The following TBC1D12 variants were observed in gnomAD, a reference collection of about 807,000 sequenced individuals.
TBC1D12 encodes the protein TBC1 domain family member 12.
In TBC1D12, 56 loss-of-function variants were observed where a neutral mutation model predicts 86.7. That is an observed-to-expected ratio of 0.65 (90% confidence interval 0.52 to 0.81). The LOEUF (loss-of-function observed/expected upper bound fraction) is 0.81, where lower values mean the gene tolerates loss of function less well. Among genes scored for constraint, TBC1D12 ranks in the 30% least tolerant of loss-of-function variants. TBC1D12 has a pLI of 0.00. For missense variants in TBC1D12, 1,023 were observed against 1,038.8 expected (o/e 0.98, Z 0.21); for synonymous variants, 421 against 411.7 (o/e 1.02, Z -0.27).
intron 1 of TBC1D12, among the ~76,000 whole-genome samples, 198 bp downstream of exon 1, chr10:94,403,782 TAGG>T (rs1161838994): frequency 1.1e-4 from 16 of 152,128 alleles, no homozygotes; most frequent in Non-Finnish European, 1.8e-4. Flanking sequence ...TGTGTTTCTA[TAGG>T]AGAAGTTGTG....
intron 3 of TBC1D12, among the ~76,000 whole-genome samples, chr10:94,475,141 C>A (rs114294161): frequency 6.6e-6 from 1 of 152,106 alleles, no homozygotes; most frequent in African/African-American, 2.4e-5. Flanking sequence ...AGTTAATATA[C>A]GAAACATAAT....
chr10:94,422,974 C>T (rs80073335), intron 1 of TBC1D12, among the ~76,000 whole-genome samples: 1,859 of 152,278 alleles, frequency 0.012, 56 homozygotes, highest in African/African-American at 0.043. Flanking sequence ...GTGGCTCAAG[C>T]CTGTAGCCCC....
intron 3 of TBC1D12, among the ~76,000 whole-genome samples, chr10:94,483,363 A>G (rs1255336546): frequency 6.6e-6 from 1 of 152,108 alleles, no homozygotes; most frequent in Non-Finnish European, 1.5e-5. Flanking sequence ...GGTTGTACTA[A>G]TTTCCATTAC....
At chr10:94,514,074 A>G (rs948647805) in intron 9 of TBC1D12, among the ~76,000 whole-genome samples, 6 of 150,902 alleles carry the variant, frequency 4.0e-5, no homozygotes, top group South Asian at 4.2e-4. Context: ...CAGGCCAGGC[A>G]TGGTGGCTCA....
chr10:94,428,814 A>G (rs2055179132), intron 1 of TBC1D12, among the ~76,000 whole-genome samples: 2 of 151,242 alleles, frequency 1.3e-5, no homozygotes, highest in Middle Eastern at 3.5e-3. Context: ...GGCTTACGTG[A>G]TCCTCCCGCT....
In TBC1D12 at chr10:94,403,594, A is replaced by C. The variant is rs1435610721; in HGVS notation, c.971+10A>C. On this transcript the variant is annotated intron_variant, in intron 1 of 12. Transcript: ENST00000225235. ...CGGACTTCTTCACCAGGTACAGCGC[A>C]GGCTGCATGGGACTCGGGGCGGGTC... 1 of 1,449,436 alleles carries C rather than the reference A, an allele frequency of 6.9e-7. No homozygotes were observed. The highest frequency in any genetic ancestry group is 1.5e-5 in the African/African-American group (1 of 66,046). 89.8% of individuals were successfully genotyped at this position (1,449,436 alleles called of 1,614,324 possible). A position where few individuals can be genotyped will look rare whatever the true frequency, so the allele number is the denominator to read the frequency against.
At chr10:94,441,465 A>G (rs2055379815) in intron 1 of TBC1D12, among the ~76,000 whole-genome samples, 1 of 152,084 alleles carries the variant, frequency 6.6e-6, no homozygotes, top group South Asian at 2.1e-4. Flanking sequence ...TATACTTTGT[A>G]GCTGATTTAG....
chr10:94,505,036 A>G (rs1200679028), intron 6 of TBC1D12, among the ~76,000 whole-genome samples: 1 of 152,144 alleles, frequency 6.6e-6, no homozygotes, highest in Non-Finnish European at 1.5e-5. Context: ...TTTTGAAATC[A>G]TTACCACATT....
intron 1 of TBC1D12, among the ~76,000 whole-genome samples, chr10:94,438,115 T>C (rs2055331280): frequency 6.6e-6 from 1 of 150,998 alleles, no homozygotes; most frequent in Admixed American, 6.6e-5. Flanking sequence ...GGCCATACTT[T>C]CCCGTTTCTT....
chr10:94,439,486 G>T (rs1415485815), intron 1 of TBC1D12, among the ~76,000 whole-genome samples: 1 of 152,084 alleles, frequency 6.6e-6, no homozygotes, highest in Non-Finnish European at 1.5e-5. Context: ...TTTTTTTGTT[G>T]AGCAGGCTGC....
chr10:94,449,816 T>C (rs1413844261), intron 2 of TBC1D12, among the ~76,000 whole-genome samples: 1 of 152,214 alleles, frequency 6.6e-6, no homozygotes, highest in African/African-American at 2.4e-5. Context: ...TGTTCTTTCT[T>C]CTTGTCAGTC....
intron 11 of TBC1D12, among the ~76,000 whole-genome samples, chr10:94,523,192 C>CAAAAAAAAAAA (rs33935088): frequency 4.5e-5 from 2 of 44,110 alleles, no homozygotes; most frequent in Non-Finnish European, 8.0e-5. Context: ...AACTCTATCT[C>CAAAAAAAAAAA]AAAAAAAAAA....
rs555876746 is a variant in TBC1D12, at chr10:94,476,605, G to A, written c.1211+1822G>A. Among the ~76,000 whole-genome samples the A allele has an allele frequency of 4.2e-4, 64 of 152,256 alleles. 1 individual carries two copies. The highest frequency in any genetic ancestry group is 1.5e-3 in the African/African-American group (61 of 41,560). ...GACTTTGCAGCTGTCAGCTGAGTAC[G>A]TAGATAAGTTCCCAGAAGAGCTTGC... On this transcript the variant is annotated intron_variant, in intron 3 of 12. Coordinates refer to ENST00000225235, the MANE Select transcript of TBC1D12 (RefSeq NM_015188.2).
chr10:94,529,315 C>T lies in TBC1D12; in HGVS notation c.2001-1887C>T, dbSNP rs1842369176. 2.0e-5 allele frequency among the ~76,000 whole-genome samples: 3 copies of T among 152,094 alleles called. No individual in the cohort carries two copies. In the South Asian group the frequency reaches 6.2e-4, roughly 32 times the overall value. ...AGCCACCAGACCCGACTGATTTAGG[C>T]TTTTTTAAAAATTAAGTTATTGGCT... On this transcript the variant is annotated intron_variant, in intron 11 of 12. Coordinates refer to ENST00000225235, the MANE Select transcript of TBC1D12 (RefSeq NM_015188.2).
At chr10:94,502,789 A>G (rs2056415076) in intron 6 of TBC1D12, among the ~76,000 whole-genome samples, 1 of 152,352 alleles carries the variant, frequency 6.6e-6, no homozygotes, top group East Asian at 1.9e-4. Flanking sequence ...AAGGACTTTA[A>G]TACTAGAAAT....
Position 94,403,351 on chromosome 10 carries a change from C to T in TBC1D12, c.738C>T (p.Gly246=), listed in dbSNP as rs765675338. Residue 246 remains glycine (G), a synonymous_variant, in exon 1 of 13, where the codon GGC becomes GGT. Coordinates refer to ENST00000225235, the MANE Select transcript of TBC1D12 (RefSeq NM_015188.2). ...RGVGAGGPEE[G]APPATSAERT... ...TCGGCGCCGGGGGTCCCGAGGAGGGCGCGCCCCCTGCCACCTCGGCCGAGA... is the reference window on the plus strand; with the variant it reads ...TCGGCGCCGGGGGTCCCGAGGAGGGTGCGCCCCCTGCCACCTCGGCCGAGA... The T allele has an allele frequency of 6.6e-6, 10 of 1,523,946 alleles. No homozygotes were observed. The East Asian group carries it at 1.9e-4, about 29-fold the overall frequency. The allele number at this position is 1,523,946 out of a possible 1,614,324, so 94.4% of individuals were successfully genotyped here.
chr10:94,436,976 G>A (rs1306570528), intron 1 of TBC1D12, among the ~76,000 whole-genome samples: 1 of 151,588 alleles, frequency 6.6e-6, no homozygotes, highest in Admixed American at 6.6e-5. Flanking sequence ...AAAGTGCTGG[G>A]ATTACAGGCA....
chr10:94,441,079 A>G (rs536194258), intron 1 of TBC1D12, among the ~76,000 whole-genome samples: 1 of 150,720 alleles, frequency 6.6e-6, no homozygotes, highest in Admixed American at 6.6e-5. Context: ...TGAGCTGCTG[A>G]CCTCGTGATC....
intron 2 of TBC1D12, among the ~76,000 whole-genome samples, chr10:94,456,656 C>T (rs951110741): frequency 2.0e-5 from 3 of 152,132 alleles, no homozygotes; most frequent in Admixed American, 6.5e-5. Context: ...TTGTTGGATG[C>T]GGTAGTCTAC....
Sources: gnomAD v4.1 joint callset for allele counts (sites outside exome capture counted in the v4.1 genomes callset) on GRCh38, gnomAD v4.1.1 for gene constraint, MANE v1.5 for transcripts, NCBI Gene and HGNC (gene_info 2026-07-23, HGNC 2026-07-21) for gene names.